The following MAPK8IP1 variants were observed in gnomAD, a reference collection of about 807,000 sequenced individuals.
MAPK8IP1 encodes the protein mitogen-activated protein kinase 8 interacting protein 1.
In MAPK8IP1, 17 loss-of-function variants were observed where a neutral mutation model predicts 72.6. The ratio of observed to expected loss-of-function variants is 0.23; its 90% CI spans 0.16 to 0.35. The LOEUF is 0.35. Among genes scored for constraint, MAPK8IP1 ranks in the 10% least tolerant of loss-of-function variants. MAPK8IP1 has a pLI of 1.00. For missense variants in MAPK8IP1, 789 were observed against 1,009.7 expected, an observed-to-expected ratio of 0.78 and a Z score of 2.96; for synonymous variants, 401 against 443.4, an observed-to-expected ratio of 0.90 and a Z score of 1.20.
rs1335114487 is a variant in MAPK8IP1 at position 45,900,460 on chromosome 11, G to T, written c.522+8G>T. ...CAGGTGCCGCGGTCTCAGGTGAGGC[G>T]CCAACGTGGGGGGCGGCGCCCTGGG... On this transcript the variant is annotated splice_region_variant and intron_variant, in intron 3 of 11. Transcript: ENST00000241014. The surrounding 1 kb of genome is among the most constrained non-coding windows in gnomAD (Gnocchi z 6.5). 2.6e-6 allele frequency: 4 copies of T among 1,530,988 alleles called. No individual in the cohort carries two copies. Among genetic ancestry groups the T allele is most frequent in the Admixed American group, 3.9e-5 (2 of 50,808 alleles). 94.8% of individuals were successfully genotyped at this position (1,530,988 alleles called of 1,614,324 possible). A position where few individuals can be genotyped will look rare whatever the true frequency, so the allele number is the denominator to read the frequency against.
At position 45,900,345 on chromosome 11, in the gene MAPK8IP1, GGCCAGGGCCAGA is replaced by G. The variant is rs1338301667; in HGVS notation, c.420_431del (p.Gln146_Gly149del). 3 of 1,453,520 alleles carry G rather than the reference GGCCAGGGCCAGA, an allele frequency of 2.1e-6. No homozygotes were observed. The highest frequency in any genetic ancestry group is 1.5e-5 in the African/African-American group (1 of 67,022). The allele number at this position is 1,453,520 out of a possible 1,614,324, so 90.0% of individuals were successfully genotyped here. Reference sequence around the variant, plus strand: ...GTCCGGCCAGGAGCCGGCGTCCCGCGGCCAGGGCCAGAGCCAAGGCCAGAGCCAGGGCCCGGG... The same window carrying G: ...GTCCGGCCAGGAGCCGGCGTCCCGCGGCCAAGGCCAGAGCCAGGGCCCGGG... On this transcript the variant is annotated inframe_deletion, in exon 3 of 12. Transcript: ENST00000241014. This position sits in a 1 kb window ranked among gnomAD's most constrained non-coding sequence, Gnocchi z 6.5.
intron 1 of MAPK8IP1, among the ~76,000 whole-genome samples, chr11:45,895,633 A>AATATAT (rs71038870): frequency 7.1e-5 from 3 of 42,516 alleles, no homozygotes; most frequent in African/African-American, 1.4e-4. Flanking sequence ...AAAAAAAAAA[A>AATATAT]ATATATATAT....
rs1178083552 is a variant in MAPK8IP1 at position 45,900,152 on chromosome 11, G to A, written c.222G>A (p.Gly74=). The A allele has an allele frequency of 7.7e-7, 1 of 1,299,852 alleles. No homozygotes were observed. Among genetic ancestry groups the A allele is most frequent in the Non-Finnish European group, 9.7e-7 (1 of 1,031,140 alleles). The allele number at this position is 1,299,852 out of a possible 1,614,324, so 80.5% of individuals were successfully genotyped here. A position where few individuals can be genotyped will look rare whatever the true frequency, so the allele number is the denominator to read the frequency against. ...DTLSLRPPRA[G]LLSAGGGGAG... ...GCGCTGTGCAGCCCCCGCGCGCCGG[G>A]CTGCTCTCTGCGGGCGGCGGCGGCG... The change falls in exon 3 of 12, where the codon GGG becomes GGA. Residue 74 remains glycine (G), a synonymous_variant. Coordinates refer to ENST00000241014, the MANE Select transcript of MAPK8IP1 (RefSeq NM_005456.4). The surrounding 1 kb of genome is among the most constrained non-coding windows in gnomAD (Gnocchi z 6.5).
chr11:45,889,698 A>G (rs939090851), intron 1 of MAPK8IP1, among the ~76,000 whole-genome samples: 1 of 152,070 alleles, frequency 6.6e-6, no homozygotes, highest in Non-Finnish European at 1.5e-5. Flanking sequence ...TTATGAGGAA[A>G]CAAGAGAGGG....
chr11:45,900,344 C>T lies in MAPK8IP1; in HGVS notation c.414C>T (p.Arg138=). The part of the protein sequence containing the change: ...KAESGQEPAS[R]GQGQSQGQSQ... ...AGTCCGGCCAGGAGCCGGCGTCCCGCGGCCAGGGCCAGAGCCAAGGCCAGA... is the reference window on the plus strand; with the variant it reads ...AGTCCGGCCAGGAGCCGGCGTCCCGTGGCCAGGGCCAGAGCCAAGGCCAGA... Residue 138 remains arginine, a synonymous_variant, in exon 3 of 12, where the codon CGC becomes CGT. Transcript: ENST00000241014. This position sits in a 1 kb window ranked among gnomAD's most constrained non-coding sequence, Gnocchi z 6.5. The T allele has an allele frequency of 2.1e-6, 3 of 1,450,398 alleles. No individual in the cohort carries two copies. Among genetic ancestry groups the T allele is most frequent in the Non-Finnish European group, 2.7e-6 (3 of 1,108,408 alleles). 89.8% of individuals were successfully genotyped at this position (1,450,398 alleles called of 1,614,324 possible).
At position 45,902,885 on chromosome 11, in the gene MAPK8IP1, C is replaced by T. The variant is rs1178999605; in HGVS notation, c.1118C>T (p.Ala373Val). ...PRASLSSDTSALSYDSVKYTL... is the reference protein window; with the variant it reads ...PRASLSSDTSVLSYDSVKYTL... ...GCCTCTCTGAGCTCGGACACCAGCG[C>T]CCTGTCCTATGACTCTGTCAAGTAC... Residue 373 changes from alanine to valine, a missense_variant, in exon 5 of 12, where the codon GCC becomes GTC. Ala to Val is a moderately conservative substitution (Grantham distance 64, BLOSUM62 0). Around this residue, in one of 4 missense-constraint regions of MAPK8IP1, gnomAD observed 377 missense variants for 411.7 expected, o/e 0.92. Coordinates refer to ENST00000241014, the MANE Select transcript of MAPK8IP1 (RefSeq NM_005456.4). This position sits in a 1 kb window ranked among gnomAD's most constrained non-coding sequence, Gnocchi z 9.3. The T allele has an allele frequency of 6.2e-7, 1 of 1,602,454 alleles. No individual in the cohort carries two copies. Among genetic ancestry groups the T allele is most frequent in the Non-Finnish European group, 8.5e-7 (1 of 1,174,896 alleles).
At chr11:45,889,295 G>A (rs2086549416) in intron 1 of MAPK8IP1, among the ~76,000 whole-genome samples, 1 of 152,166 alleles carries the variant, frequency 6.6e-6, no homozygotes, top group Non-Finnish European at 1.5e-5. Context: ...TGTTATGTTG[G>A]TGCTCAAACA....
intron 1 of MAPK8IP1, among the ~76,000 whole-genome samples, chr11:45,897,509 G>A (rs1415478811): frequency 1.3e-5 from 2 of 152,212 alleles, no homozygotes; most frequent in Admixed American, 1.3e-4. Context: ...ACCACCAAGT[G>A]CACAGCATGA....
rs140363852 is a variant in MAPK8IP1 at position 45,902,424 on chromosome 11, C to G, written c.657C>G (p.Pro219=). ...TCTGCCTGAGCGATGAGCTGCCCCC[C>G]CAGAGCGGCCCCGCCCCCACCACAG... The part of the protein sequence containing the change: ...EHICLSDELP[P]QSGPAPTTDR... Residue 219 remains proline (P), a synonymous_variant, in exon 5 of 12, where the codon CCC becomes CCG. Coordinates refer to ENST00000241014, the MANE Select transcript of MAPK8IP1 (RefSeq NM_005456.4). This position sits in a 1 kb window ranked among gnomAD's most constrained non-coding sequence, Gnocchi z 9.3. The G allele has an allele frequency of 1.1e-5, 17 of 1,585,562 alleles. No homozygotes were observed. The African/African-American group carries it at 1.2e-4, about 11-fold the overall frequency.
At chr11:45,897,082 C>T in intron 1 of MAPK8IP1, 1 of 908,176 alleles carries the variant, frequency 1.1e-6, no homozygotes. Context: ...GGCTAAGCCA[C>T]CATCTCTCCT....
chr11:45,893,270 G>A (rs753890247), intron 1 of MAPK8IP1, among the ~76,000 whole-genome samples: 3 of 147,338 alleles, frequency 2.0e-5, no homozygotes, highest in Non-Finnish European at 4.4e-5. Flanking sequence ...CAGGACTGTG[G>A]TTGGTGGAAA....
chr11:45,890,183 G>A (rs1447323175), intron 1 of MAPK8IP1, among the ~76,000 whole-genome samples: 2 of 152,138 alleles, frequency 1.3e-5, no homozygotes, highest in Non-Finnish European at 2.9e-5. Flanking sequence ...GTGGAGAGCA[G>A]GATGTGCAGG....
chr11:45,885,791 C>G lies in MAPK8IP1; in HGVS notation c.-30C>G, dbSNP rs1242350958. The G allele has an allele frequency of 1.6e-5, 21 of 1,294,800 alleles. No individual in the cohort carries two copies. The highest frequency in any genetic ancestry group is 2.0e-5 in the Non-Finnish European group (20 of 1,008,656). 80.2% of individuals were successfully genotyped at this position (1,294,800 alleles called of 1,614,324 possible). A position where few individuals can be genotyped will look rare whatever the true frequency, so the allele number is the denominator to read the frequency against. On this transcript the variant is annotated 5_prime_UTR_variant, in exon 1 of 12. Transcript: ENST00000241014. ...GCCGCCGCCTCCTCCGCGCCGCGCT[C>G]CGCCCGGATGGCCAGGGCTGTGCCC...
At chr11:45,892,855 T>C (rs1001688935) in intron 1 of MAPK8IP1, among the ~76,000 whole-genome samples, 63 of 152,132 alleles carry the variant, frequency 4.1e-4, no homozygotes, top group African/African-American at 1.4e-3. Flanking sequence ...CATTACCTGG[T>C]GGAGAGTGGC....
rs2086560179 is a variant in MAPK8IP1 at position 45,890,707 on chromosome 11, G to A, written c.101+4786G>A. ...CTCCTTGGTGGGTGGGGTGTCCAGT[G>A]GGAGACCAGAGGGCGGTGGGCAGGG... On this transcript the variant is annotated intron_variant, in intron 1 of 11. Transcript: ENST00000241014. 2.6e-5 allele frequency among the ~76,000 whole-genome samples: 4 copies of A among 152,056 alleles called. 1 individual carries two copies. The South Asian group carries it at 8.3e-4, about 32-fold the overall frequency.
chr11:45,886,695 G>A (rs900058545), intron 1 of MAPK8IP1, among the ~76,000 whole-genome samples: 25 of 152,186 alleles, frequency 1.6e-4, no homozygotes, highest in African/African-American at 5.6e-4. Context: ...TGAGGGGTGA[G>A]TGTTGTGTGG....
chr11:45,896,496 G>GT (rs899369894), intron 1 of MAPK8IP1: 13 of 1,037,046 alleles, frequency 1.3e-5, no homozygotes, highest in African/African-American at 1.7e-5. Flanking sequence ...AGGGAGGGGG[G>GT]GCCACTCAGC....
Position 45,902,148 on chromosome 11 carries a change from G to C in MAPK8IP1, c.604+87G>C. 7.1e-6 allele frequency: 9 copies of C among 1,265,854 alleles called. No homozygotes were observed. Among genetic ancestry groups the C allele is most frequent in the Non-Finnish European group, 1.0e-5 (9 of 862,900 alleles). The allele number at this position is 1,265,854 out of a possible 1,614,324, so 78.4% of individuals were successfully genotyped here. A position where few individuals can be genotyped will look rare whatever the true frequency, so the allele number is the denominator to read the frequency against. On this transcript the variant is annotated intron_variant, in intron 4 of 11. Coordinates refer to ENST00000241014, the MANE Select transcript of MAPK8IP1 (RefSeq NM_005456.4). The surrounding 1 kb of genome is among the most constrained non-coding windows in gnomAD (Gnocchi z 9.3). The stretch of plus-strand genomic sequence containing the variant: ...GAGAGCAAACCCTACAGTCTCCAAA[G>C]GGCTGAGTAGAGGTGAACTGCCCAC...
At chr11:45,896,596 A>C in intron 1 of MAPK8IP1, 1 of 1,293,512 alleles carries the variant, frequency 7.7e-7, no homozygotes. Context: ...CAGCGGCAGC[A>C]GCGCAAGGGC....
Sources: gnomAD v4.1 joint callset for allele counts (sites outside exome capture counted in the v4.1 genomes callset) on GRCh38, gnomAD v4.1.1 for gene constraint, gnomAD v4.1.1 regional missense constraint, Gnocchi (gnomAD v3.1) non-coding constraint, MANE v1.5 for transcripts, NCBI Gene and HGNC (gene_info 2026-07-23, HGNC 2026-07-21) for gene names.